The following KAZN variants were observed in gnomAD, a reference collection of about 807,000 sequenced individuals.
KAZN encodes the protein kazrin.
In KAZN, 40 loss-of-function variants were observed where a neutral mutation model predicts 87.4. The ratio of observed to expected loss-of-function variants is 0.46; its 90% CI spans 0.36 to 0.60. The LOEUF (loss-of-function observed/expected upper bound fraction) is 0.60. Among genes scored for constraint, KAZN ranks in the 20% least tolerant of loss-of-function variants. The pLI, the probability that KAZN is intolerant of heterozygous loss-of-function variation, is 0.00. For missense variants in KAZN, 898 were observed against 1,073.9 expected, an observed-to-expected ratio of 0.84 and a Z score of 2.29; for synonymous variants, 466 against 458.3, an observed-to-expected ratio of 1.02 and a Z score of -0.22.
At chr1:15,008,721 G>A (rs960727976) in intron 2 of KAZN, among the ~76,000 whole-genome samples, 2 of 152,174 alleles carry the variant, frequency 1.3e-5, no homozygotes, top group East Asian at 1.9e-4. Flanking sequence ...CAAGGTCTGT[G>A]TAAGGCACTG....
At chr1:14,342,132 TCCATCCATGTC>T in intron 2 of KAZN, among the ~76,000 whole-genome samples, 1 of 152,190 alleles carries the variant, frequency 6.6e-6, no homozygotes, top group East Asian at 1.9e-4. Context: ...GGCTTCTAGC[TCCATCCATGTC>T]CCTGCAAAGG....
chr1:14,778,231 A>C (rs1645234442), intron 1 of KAZN, among the ~76,000 whole-genome samples: 1 of 152,190 alleles, frequency 6.6e-6, no homozygotes, highest in Non-Finnish European at 1.5e-5. Flanking sequence ...CACAGAGGAC[A>C]CAAAGGCATC....
chr1:14,218,067 A>G (rs1048031317), intron 2 of KAZN, among the ~76,000 whole-genome samples: 2 of 152,148 alleles, frequency 1.3e-5, no homozygotes, highest in Non-Finnish European at 2.9e-5. Flanking sequence ...AGTTATTAAC[A>G]TACAGCTTGA....
intron 1 of KAZN, among the ~76,000 whole-genome samples, chr1:14,062,985 G>A (rs1362126220): frequency 6.6e-6 from 1 of 152,148 alleles, no homozygotes; most frequent in East Asian, 1.9e-4. Flanking sequence ...TAAAATGCTT[G>A]AAAACATGTT....
chr1:13,960,545 T>C (rs1040183929), intron 1 of KAZN, among the ~76,000 whole-genome samples: 1 of 152,112 alleles, frequency 6.6e-6, no homozygotes, highest in Non-Finnish European at 1.5e-5. Flanking sequence ...CAGGGCCATC[T>C]TGGAACGCTA....
exon 1 of KAZN, chr1:13,893,391 A>C: frequency 5.8e-6 from 2 of 344,516 alleles, no homozygotes; most frequent in Non-Finnish European, 1.0e-5. Flanking sequence ...TTAGGGGGAA[A>C]CTTAGATTTT....
intron 1 of KAZN, among the ~76,000 whole-genome samples, chr1:14,068,232 G>A (rs1226983461): frequency 6.6e-6 from 1 of 152,182 alleles, no homozygotes; most frequent in Non-Finnish European, 1.5e-5. Context: ...TAAACTTAGA[G>A]ACAAGGGTGT....
intron 1 of KAZN, among the ~76,000 whole-genome samples, chr1:14,664,685 G>A (rs562470815): frequency 1.8e-4 from 25 of 142,578 alleles, no homozygotes; most frequent in African/African-American, 5.0e-4. Context: ...ACAGAGTCTC[G>A]CTCTGTCACC....
chr1:14,533,717 A>T (rs1234559890), intron 2 of KAZN, among the ~76,000 whole-genome samples: 1 of 152,130 alleles, frequency 6.6e-6, no homozygotes, highest in Admixed American at 6.5e-5. Context: ...AATTTTGCTC[A>T]GGTGTCACGT....
At chr1:14,715,525 A>C (rs2100242717) in intron 1 of KAZN, among the ~76,000 whole-genome samples, 1 of 152,124 alleles carries the variant, frequency 6.6e-6, no homozygotes, top group South Asian at 2.1e-4. Context: ...CTCCTCCAAA[A>C]CCTCAGCGCT....
At chr1:14,833,988 CACACACACACACACACACACAT>C (rs1647133024) in intron 1 of KAZN, among the ~76,000 whole-genome samples, 1 of 150,396 alleles carries the variant, frequency 6.6e-6, no homozygotes, top group African/African-American at 2.4e-5. Context: ...CACACACACA[CACACACACACACACACACACAT>C]ACACACACAT....
At chr1:14,873,492 G>A (rs1652412283) in intron 1 of KAZN, among the ~76,000 whole-genome samples, 1 of 152,192 alleles carries the variant, frequency 6.6e-6, no homozygotes, top group South Asian at 2.1e-4. Context: ...GAGCTATGCA[G>A]AGATCTGAGG....
intron 2 of KAZN, among the ~76,000 whole-genome samples, chr1:14,567,581 A>T (rs1674619774): frequency 6.6e-6 from 1 of 152,254 alleles, no homozygotes; most frequent in Non-Finnish European, 1.5e-5. Flanking sequence ...AATAAAGTGA[A>T]GTAAGTCTGC....
chr1:15,048,858 T>G lies in KAZN; in HGVS notation c.726+4699T>G, dbSNP rs534127556. 3.8e-3 allele frequency among the ~76,000 whole-genome samples: 455 copies of G among 119,918 alleles called. 4 individuals carry two copies. The highest frequency in any genetic ancestry group is 0.034 in the Middle Eastern group (6 of 178). The allele number at this position is 119,918 out of a possible 152,430, so 78.7% of individuals were successfully genotyped here. A position where few individuals can be genotyped will look rare whatever the true frequency, so the allele number is the denominator to read the frequency against. On this transcript the variant is annotated intron_variant, in intron 4 of 14. Transcript: ENST00000376030. ...TCGTTGGTCCTGGGTCGTTGGTCCTTGGTCGTTGGTCCTGGGTCGTTGGTC... is the reference window on the plus strand; with the variant it reads ...TCGTTGGTCCTGGGTCGTTGGTCCTGGGTCGTTGGTCCTGGGTCGTTGGTC...
At chr1:14,887,666 GTTTT>G (rs79148240) in intron 1 of KAZN, among the ~76,000 whole-genome samples, 1 of 137,218 alleles carries the variant, frequency 7.3e-6, no homozygotes, top group Non-Finnish European at 1.6e-5. Context: ...CGTCGTGGTA[GTTTT>G]TTTTTTTTTT....
At chr1:14,088,004 T>C (rs548793870) in intron 1 of KAZN, among the ~76,000 whole-genome samples, 1 of 150,638 alleles carries the variant, frequency 6.6e-6, no homozygotes, top group African/African-American at 2.4e-5. Flanking sequence ...GTTTTTTTTT[T>C]TTTTCTTGAT....
At chr1:14,135,228 C>A (rs934102010) in intron 1 of KAZN, among the ~76,000 whole-genome samples, 1 of 152,190 alleles carries the variant, frequency 6.6e-6, no homozygotes, top group Non-Finnish European at 1.5e-5. Context: ...TGTGAGGAGG[C>A]CTTGCCCACA....
chr1:14,553,494 G>T (rs1297767754), intron 2 of KAZN, among the ~76,000 whole-genome samples: 1 of 152,220 alleles, frequency 6.6e-6, no homozygotes, highest in Non-Finnish European at 1.5e-5. Flanking sequence ...GGTCACCTAT[G>T]TATCACCTTG....
At chr1:14,895,062 G>A (rs1655114218) in intron 1 of KAZN, among the ~76,000 whole-genome samples, 3 of 152,270 alleles carry the variant, frequency 2.0e-5, no homozygotes, top group African/African-American at 7.2e-5. Context: ...GTTTTGGAAA[G>A]CGAGCCTTGT....
Sources: allele counts gnomAD v4.1 joint callset (sites outside exome capture counted in the v4.1 genomes callset), GRCh38; gene constraint gnomAD v4.1.1; transcripts MANE v1.5; gene names NCBI Gene and HGNC (gene_info 2026-07-23, HGNC 2026-07-21).